Variants in MAGI1 observed in about 807,000 individuals in gnomAD.
MAGI1 encodes the protein membrane associated guanylate kinase, WW and PDZ domain containing 1.
MAGI1 carries 58 observed loss-of-function variants against 139.9 expected under a neutral mutation model. The observed-to-expected ratio is 0.41, with a 90% confidence interval of 0.34 to 0.52. MAGI1 has a LOEUF of 0.52. Among genes scored for constraint, MAGI1 ranks in the 20% least tolerant of loss-of-function variants. The probability of loss-of-function intolerance (pLI) is 0.12; values close to 1 mark genes in which losing one functional copy is unlikely to be tolerated. For synonymous variants in MAGI1, 812 were observed against 737.9 expected (o/e 1.10, Z -1.63); for missense variants, 1,874 against 1,901.6 (o/e 0.99, Z 0.27).
chr3:65,781,981 T>C (rs1446322108), intron 1 of MAGI1, among the ~76,000 whole-genome samples: 2 of 152,226 alleles, frequency 1.3e-5, no homozygotes, highest in Non-Finnish European at 2.9e-5. Context: ...TTGGTAGATT[T>C]CACTTTCCCA....
At chr3:65,765,814 C>G (rs184624577) in intron 1 of MAGI1, among the ~76,000 whole-genome samples, 6 of 152,292 alleles carry the variant, frequency 3.9e-5, no homozygotes, top group Admixed American at 3.9e-4. Context: ...TTTCGGATTT[C>G]TCTGTCTTTC....
intron 1 of MAGI1, among the ~76,000 whole-genome samples, chr3:65,935,638 G>C (rs1426679877): frequency 3.9e-5 from 6 of 152,098 alleles, no homozygotes; most frequent in Non-Finnish European, 8.8e-5. Flanking sequence ...AAAAGAGGTA[G>C]AGTCTACTAC....
intron 4 of MAGI1, among the ~76,000 whole-genome samples, chr3:65,473,742 G>A (rs1472178081): frequency 1.5e-5 from 2 of 133,228 alleles, no homozygotes; most frequent in African/African-American, 2.5e-5. Flanking sequence ...TTAATTTCCT[G>A]GAGGAAAAAA....
chr3:65,793,499 T>C (rs1003336619), intron 1 of MAGI1, among the ~76,000 whole-genome samples: 2 of 152,178 alleles, frequency 1.3e-5, no homozygotes, highest in Non-Finnish European at 2.9e-5. Context: ...AAAAGCAATA[T>C]AACTGAGGCA....
At chr3:65,952,080 A>C (rs1236945130) in intron 1 of MAGI1, among the ~76,000 whole-genome samples, 1 of 152,218 alleles carries the variant, frequency 6.6e-6, no homozygotes, top group African/African-American at 2.4e-5. Flanking sequence ...ATTCAAGGAA[A>C]TGCTCAAATT....
At chr3:65,889,811 G>GC in intron 1 of MAGI1, among the ~76,000 whole-genome samples, 1 of 152,046 alleles carries the variant, frequency 6.6e-6, no homozygotes, top group East Asian at 1.9e-4. Context: ...TGGAGGGGGA[G>GC]CCACCTGAGC....
At chr3:65,465,022 T>C (rs1326976495) in intron 5 of MAGI1, among the ~76,000 whole-genome samples, 1 of 148,488 alleles carries the variant, frequency 6.7e-6, no homozygotes, top group Non-Finnish European at 1.5e-5. Flanking sequence ...ATATATTTTA[T>C]ATATCTTATA....
At chr3:65,963,049 G>A (rs1437197964) in intron 1 of MAGI1, among the ~76,000 whole-genome samples, 1 of 150,594 alleles carries the variant, frequency 6.6e-6, no homozygotes, top group Non-Finnish European at 1.5e-5. Flanking sequence ...ATGACAATCT[G>A]GCCAGGCGCA....
At chr3:65,867,519 G>C (rs1034972300) in intron 1 of MAGI1, among the ~76,000 whole-genome samples, 1 of 152,154 alleles carries the variant, frequency 6.6e-6, no homozygotes, top group South Asian at 2.1e-4. Context: ...AAGACTGCTT[G>C]AACCTAGGAG....
At chr3:65,947,645 C>T (rs1046499990) in intron 1 of MAGI1, among the ~76,000 whole-genome samples, 1 of 152,090 alleles carries the variant, frequency 6.6e-6, no homozygotes, top group South Asian at 2.1e-4. Flanking sequence ...GAGACGGGGT[C>T]TCGGTCTGTT....
intron 1 of MAGI1, among the ~76,000 whole-genome samples, chr3:65,878,167 T>C (rs967245488): frequency 1.3e-5 from 2 of 151,880 alleles, no homozygotes; most frequent in Non-Finnish European, 2.9e-5. Flanking sequence ...ACACTGGGCT[T>C]TGGCAAAACC....
At position 65,889,521 on chromosome 3, in the gene MAGI1, A is replaced by C. The variant is rs117901921; in HGVS notation, c.313+148475T>G. Among the ~76,000 whole-genome samples, 344 of 152,324 alleles carry C rather than the reference A, an allele frequency of 2.3e-3. 10 individuals are homozygous for C. In the East Asian group the frequency reaches 0.054, roughly 24 times the overall value. On this transcript the variant is annotated intron_variant, in intron 1 of 22. Coordinates refer to ENST00000402939, the MANE Select transcript of MAGI1 (RefSeq NM_001033057.2). ...GAATACCACTGGTGACGTTCAAAAA[A>C]TTCTAAGCTCATGCCAACCAACTTT...
At chr3:65,688,147 G>A (rs770533300) in intron 1 of MAGI1, 7 of 756,332 alleles carry the variant, frequency 9.3e-6, no homozygotes, top group Non-Finnish European at 1.4e-5. Context: ...TTCCTGCCAG[G>A]GTCCATGGGT....
intron 2 of MAGI1, among the ~76,000 whole-genome samples, chr3:65,537,285 C>T (rs1341655423): frequency 6.6e-6 from 1 of 152,128 alleles, no homozygotes; most frequent in Non-Finnish European, 1.5e-5. Flanking sequence ...CCAGGAAACT[C>T]CTATTGATCC....
chr3:65,728,070 A>C (rs1420562279), intron 1 of MAGI1, among the ~76,000 whole-genome samples: 1 of 152,152 alleles, frequency 6.6e-6, no homozygotes, highest in Non-Finnish European at 1.5e-5. Flanking sequence ...GTAAGCTAAC[A>C]TAATGTATTG....
At chr3:65,812,699 CTTTTTT>C (rs539502538) in intron 1 of MAGI1, among the ~76,000 whole-genome samples, 930 of 72,892 alleles carry the variant, frequency 0.013, 8 homozygotes, top group African/African-American at 0.047. Flanking sequence ...AGTTAGTTTA[CTTTTTT>C]TTTTTTTTTT....
intron 1 of MAGI1, among the ~76,000 whole-genome samples, chr3:65,859,138 G>A (rs375846384): frequency 1.7e-4 from 26 of 152,192 alleles, no homozygotes; most frequent in Non-Finnish European, 2.8e-4. Context: ...TTCGAGACCC[G>A]CTTGGCCAAC....
At chr3:66,030,142 C>T (rs2068514841) in intron 1 of MAGI1, among the ~76,000 whole-genome samples, 1 of 152,138 alleles carries the variant, frequency 6.6e-6, no homozygotes, top group African/African-American at 2.4e-5. Flanking sequence ...AATACTAAGA[C>T]CAACTGAAGC....
intron 1 of MAGI1, chr3:65,687,827 T>A: frequency 1.7e-6 from 1 of 602,234 alleles, no homozygotes; most frequent in South Asian, 1.4e-5. Flanking sequence ...CAGTGAAGAC[T>A]GTCATTACAA....
Sources: gnomAD v4.1 joint callset for allele counts (sites outside exome capture counted in the v4.1 genomes callset) on GRCh38, gnomAD v4.1.1 for gene constraint, MANE v1.5 for transcripts, NCBI Gene and HGNC (gene_info 2026-07-23, HGNC 2026-07-21) for gene names.